Variants in OLFML2A observed in about 807,000 individuals in gnomAD.
The protein encoded by OLFML2A is olfactomedin-like protein 2A.
In OLFML2A, 47 loss-of-function variants were observed where a neutral mutation model predicts 60.9. The observed-to-expected ratio is 0.77, with a 90% CI of 0.61 to 0.98. The LOEUF is 0.98. Among genes scored for constraint, OLFML2A ranks in the 50% least tolerant of loss-of-function variants. The pLI is 0.00. For synonymous variants in OLFML2A, 372 were observed against 375.0 expected, an observed-to-expected ratio of 0.99 and a Z score of 0.09; for missense variants, 922 against 879.8, an observed-to-expected ratio of 1.05 and a Z score of -0.61.
chr9:124,812,740 GAGA>G lies in OLFML2A; in HGVS notation c.*2334_*2336del, dbSNP rs1306427905. 1 of 152,124 alleles carries G rather than the reference GAGA, an allele frequency of 6.6e-6. No individual in the cohort carries two copies. The highest frequency in any genetic ancestry group is 1.5e-5 in the Non-Finnish European group (1 of 68,028). The allele number at this position is 152,124 out of a possible 1,614,324, so 9.4% of individuals were successfully genotyped here. A position where few individuals can be genotyped will look rare whatever the true frequency, so the allele number is the denominator to read the frequency against. On this transcript the variant is annotated 3_prime_UTR_variant, in exon 8 of 8. Coordinates refer to ENST00000373580, the MANE Select transcript of OLFML2A (RefSeq NM_182487.4). ...TCATGACATCATAGCCCAACCATGT[GAGA>G]AGAAGGAGAAGGCCCCCCTTTCTTC...
At position 124,814,341 on chromosome 9, in the gene OLFML2A, T is replaced by C. The variant is rs1035247415; in HGVS notation, c.*3929T>C. Reference sequence around the variant, plus strand: ...TTGGAATCCAGCCCCACCTCTTTTATGCCACAGGTTTGGTCAAGTTCTCTC... The same window carrying C: ...TTGGAATCCAGCCCCACCTCTTTTACGCCACAGGTTTGGTCAAGTTCTCTC... On this transcript the variant is annotated 3_prime_UTR_variant, in exon 8 of 8. Coordinates refer to ENST00000373580, the MANE Select transcript of OLFML2A (RefSeq NM_182487.4). The C allele has an allele frequency of 1.3e-5, 2 of 152,398 alleles. No individual in the cohort carries two copies. The highest frequency in any genetic ancestry group is 2.9e-5 in the Non-Finnish European group (2 of 68,176). 9.4% of individuals were successfully genotyped at this position (152,398 alleles called of 1,614,324 possible). A position where few individuals can be genotyped will look rare whatever the true frequency, so the allele number is the denominator to read the frequency against.
At chr9:124,801,203 G>A in intron 4 of OLFML2A, 1 of 896,166 alleles carries the variant, frequency 1.1e-6, no homozygotes, top group Non-Finnish European at 1.7e-6. Context: ...GCCTGCAAGG[G>A]AGCTAAAGAG....
intron 6 of OLFML2A, among the ~76,000 whole-genome samples, chr9:124,806,565 A>T (rs1013468097): frequency 3.3e-5 from 5 of 151,912 alleles, no homozygotes; most frequent in Non-Finnish European, 7.4e-5. Context: ...CTCTGCTTTT[A>T]TGAGTTTGAC....
intron 3 of OLFML2A, among the ~76,000 whole-genome samples, chr9:124,795,424 C>G (rs1217566090): frequency 6.6e-6 from 1 of 152,206 alleles, no homozygotes; most frequent in Non-Finnish European, 1.5e-5. Context: ...CCCAGTGCAC[C>G]AAGATCAGGA....
chr9:124,810,050 A>T lies in OLFML2A; in HGVS notation c.1597A>T (p.Ile533Phe), dbSNP rs894331995. The T allele has an allele frequency of 6.2e-7, 1 of 1,613,806 alleles. No homozygotes were observed. Among genetic ancestry groups the T allele is most frequent in the African/African-American group, 1.3e-5 (1 of 74,924 alleles). Residue 533 changes from isoleucine to phenylalanine, a missense_variant, in exon 8 of 8, where the codon ATC (isoleucine) becomes TTC (phenylalanine). By Grantham distance (21) the Ile-to-Phe change is conservative. Coordinates refer to ENST00000373580, the MANE Select transcript of OLFML2A (RefSeq NM_182487.4). ...FAVDESGLWV[I>F]YPAVDDRDEA... ...CGTGGACGAGAGCGGCCTGTGGGTC[A>T]TCTACCCCGCCGTGGACGACCGCGA...
rs538842010 is a variant in OLFML2A at position 124,777,775 on chromosome 9, C to T, written c.90+415C>T. On this transcript the variant is annotated intron_variant, in intron 1 of 7. Transcript: ENST00000373580. This position sits in a 1 kb window ranked among gnomAD's most constrained non-coding sequence, Gnocchi z 6.2. The stretch of plus-strand genomic sequence containing the variant: ...CTGGGGACTGGGGGTCTTCTCTACC[C>T]GATGAACGCAGCCGCGCTGGCCACT... 6.6e-6 allele frequency among the ~76,000 whole-genome samples: 1 copy of T among 152,118 alleles called. No homozygotes were observed. The highest frequency in any genetic ancestry group is 1.5e-5 in the Non-Finnish European group (1 of 68,004).
Position 124,810,511 on chromosome 9 carries a change from C to A in OLFML2A, c.*99C>A. ...CAGTCCGCAAATATTTATTGGGGGC[C>A]AGCCCAGGGCTGGGACTGGGCATGA... On this transcript the variant is annotated 3_prime_UTR_variant, in exon 8 of 8. Coordinates refer to ENST00000373580, the MANE Select transcript of OLFML2A (RefSeq NM_182487.4). The A allele has an allele frequency of 7.9e-7, 1 of 1,257,906 alleles. No homozygotes were observed. 77.9% of individuals were successfully genotyped at this position (1,257,906 alleles called of 1,614,324 possible).
rs1424313714 is a variant in OLFML2A, at chr9:124,794,086, G to A, written c.355-938G>A. ...CCCCAGAGAAACTGGAAATGAAGTG[G>A]GAGACGCAGGGTGGGGAGAAGAGGG... is the stretch of plus-strand genomic sequence containing the variant. On this transcript the variant is annotated intron_variant, in intron 2 of 7. Coordinates refer to ENST00000373580, the MANE Select transcript of OLFML2A (RefSeq NM_182487.4). 1.8e-4 allele frequency among the ~76,000 whole-genome samples: 28 copies of A among 152,198 alleles called. 1 individual carries two copies.
intron 3 of OLFML2A, among the ~76,000 whole-genome samples, chr9:124,798,575 T>C (rs1225157992): frequency 2.0e-5 from 3 of 151,738 alleles, no homozygotes; most frequent in Admixed American, 6.6e-5. Flanking sequence ...GGCTCACACC[T>C]GTAATCCCAG....
chr9:124,814,457 C>A lies in OLFML2A; in HGVS notation c.*4045C>A, dbSNP rs1842079441. 7.9e-6 allele frequency: 1 copy of A among 127,386 alleles called. No homozygotes were observed. The highest frequency in any genetic ancestry group is 1.5e-5 in the Non-Finnish European group (1 of 67,364). The allele number at this position is 127,386 out of a possible 1,614,324, so 7.9% of individuals were successfully genotyped here. ...CCCTTCTAGAGCTTTACCCCTAATC[C>A]CCCCCCAGGAGCCCCGAGGCCGGCA... On this transcript the variant is annotated 3_prime_UTR_variant, in exon 8 of 8. Coordinates refer to ENST00000373580, the MANE Select transcript of OLFML2A (RefSeq NM_182487.4).
chr9:124,779,917 A>C lies in OLFML2A; in HGVS notation c.90+2557A>C, dbSNP rs1296283786. Among the ~76,000 whole-genome samples, 1 of 152,162 alleles carries C rather than the reference A, an allele frequency of 6.6e-6. No homozygotes were observed. Among genetic ancestry groups the C allele is most frequent in the African/African-American group, 2.4e-5 (1 of 41,450 alleles). On this transcript the variant is annotated intron_variant, in intron 1 of 7. Transcript: ENST00000373580. This position sits in a 1 kb window ranked among gnomAD's most constrained non-coding sequence, Gnocchi z 4.1. ...AGTCAATGTAGGGCCCTAAAGGGTT[A>C]AGTTGGCCCCTCCTTGGGCTTCCTG...
intron 2 of OLFML2A, among the ~76,000 whole-genome samples, chr9:124,787,762 T>G (rs1458203444): frequency 3.3e-5 from 5 of 151,752 alleles, no homozygotes; most frequent in Non-Finnish European, 7.4e-5. Context: ...TTTCACCATG[T>G]TTCCCAGGCT....
At chr9:124,783,123 C>A (rs1032296339) in intron 1 of OLFML2A, among the ~76,000 whole-genome samples, 1 of 151,860 alleles carries the variant, frequency 6.6e-6, no homozygotes. Flanking sequence ...AGCTAGCCAC[C>A]CTCCTCCCCA....
At chr9:124,805,277 T>G (rs1366502610) in intron 6 of OLFML2A, among the ~76,000 whole-genome samples, 1 of 152,196 alleles carries the variant, frequency 6.6e-6, no homozygotes, top group African/African-American at 2.4e-5. Context: ...GAATCTTTCC[T>G]GAAGGATCTA....
intron 1 of OLFML2A, among the ~76,000 whole-genome samples, chr9:124,784,235 G>A (rs1841415620): frequency 6.7e-6 from 1 of 148,444 alleles, no homozygotes; most frequent in Non-Finnish European, 1.5e-5. Flanking sequence ...ACAGAGTCTT[G>A]CTCTCTTGTC....
intron 7 of OLFML2A, 53 bp downstream of exon 7, chr9:124,808,019 G>A: frequency 7.3e-7 from 1 of 1,360,676 alleles, no homozygotes; most frequent in Non-Finnish European, 1.0e-6. Flanking sequence ...ACCTGGGGAG[G>A]GGTCCTCATG....
chr9:124,795,215 G>A (rs1841647617), intron 3 of OLFML2A, 84 bp downstream of exon 3: 1 of 727,396 alleles, frequency 1.4e-6, no homozygotes. Flanking sequence ...CGGCAATCCA[G>A]GCTTCACCCT....
intron 2 of OLFML2A, among the ~76,000 whole-genome samples, chr9:124,789,362 A>G (rs917192319): frequency 1.3e-5 from 2 of 152,214 alleles, no homozygotes; most frequent in African/African-American, 4.8e-5. Flanking sequence ...TGCCAGTTTC[A>G]TGGAAGCTGG....
chr9:124,778,698 G>A (rs1841305944), intron 1 of OLFML2A, among the ~76,000 whole-genome samples: 2 of 152,094 alleles, frequency 1.3e-5, no homozygotes, highest in South Asian at 4.1e-4. Context: ...TCGGGAGGCT[G>A]AAGCAGGAGA....
Sources: gnomAD v4.1 joint callset for allele counts (sites outside exome capture counted in the v4.1 genomes callset) on GRCh38, gnomAD v4.1.1 for gene constraint, Gnocchi (gnomAD v3.1) non-coding constraint, MANE v1.5 for transcripts, NCBI Gene and HGNC (gene_info 2026-07-23, HGNC 2026-07-21) for gene names.